Variants in NF1 observed in about 807,000 individuals in gnomAD.
NF1 encodes neurofibromin.
NF1 carries 122 observed loss-of-function variants against 325.7 expected under a neutral mutation model. The observed-to-expected ratio is 0.37, with a 90% CI of 0.32 to 0.44. NF1 has a LOEUF of 0.44. Among genes scored for constraint, NF1 ranks in the 20% least tolerant of loss-of-function variants. The probability of loss-of-function intolerance (pLI) is 1.00; values close to 1 mark genes in which losing one functional copy is unlikely to be tolerated. For synonymous variants in NF1, 1,091 were observed against 1,186.0 expected (o/e 0.92, Z 1.65); for missense variants, 2,140 against 3,415.4 (o/e 0.63, Z 9.31).
intron 1 of NF1, among the ~76,000 whole-genome samples, chr17:31,122,448 T>A (rs990290688): frequency 1.3e-5 from 2 of 152,232 alleles, no homozygotes; most frequent in Non-Finnish European, 2.9e-5. Context: ...TTTGAAGTTA[T>A]TTCCTGCTTT....
rs556068185 is a variant in NF1 at position 31,187,784 on chromosome 17, G to C, written c.888+5119G>C. The stretch of plus-strand genomic sequence containing the variant: ...AGACATTATGTTCTGCTGGCCTAGA[G>C]GTCTTAGTTCCAGAGGGAGGAACGC... On this transcript the variant is annotated intron_variant, in intron 8 of 57. Coordinates refer to ENST00000358273, the MANE Select transcript of NF1 (RefSeq NM_001042492.3). Among the ~76,000 whole-genome samples the C allele has an allele frequency of 4.3e-4, 65 of 152,222 alleles. 1 individual carries two copies. The South Asian group carries it at 0.013, about 30-fold the overall frequency.
At chr17:31,274,924 G>C (rs1201238883) in intron 36 of NF1, among the ~76,000 whole-genome samples, 4 of 152,120 alleles carry the variant, frequency 2.6e-5, no homozygotes, top group African/African-American at 9.6e-5. Context: ...TTTGTATCTA[G>C]ATATATTCTT....
At chr17:31,311,163 G>GA (rs906332909) in intron 36 of NF1, among the ~76,000 whole-genome samples, 2 of 151,932 alleles carry the variant, frequency 1.3e-5, no homozygotes, top group African/African-American at 4.8e-5. Flanking sequence ...ATGTCACCCA[G>GA]ACTTGCCTTG....
chr17:31,279,723 T>C (rs1354120051), intron 36 of NF1, among the ~76,000 whole-genome samples: 2 of 152,128 alleles, frequency 1.3e-5, no homozygotes, highest in Non-Finnish European at 2.9e-5. Context: ...TTCTCTTCAA[T>C]AGTAAAATCT....
chr17:31,126,963 G>C lies in NF1; in HGVS notation c.61-29020G>C, dbSNP rs17879581. On this transcript the variant is annotated intron_variant, in intron 1 of 57. Coordinates refer to ENST00000358273, the MANE Select transcript of NF1 (RefSeq NM_001042492.3). The stretch of plus-strand genomic sequence containing the variant: ...TACATTGAAGTCTCTAATCCACATG[G>C]AAAGACTTTTTTTGTAAGGATCCAC... Among the ~76,000 whole-genome samples, 1,024 of 152,186 alleles carry C rather than the reference G, an allele frequency of 6.7e-3. 16 individuals carry two copies. Among genetic ancestry groups the C allele is most frequent in the African/African-American group, 0.023 (960 of 41,504 alleles).
chr17:31,309,131 T>A (rs2068805021), intron 36 of NF1, among the ~76,000 whole-genome samples: 1 of 152,230 alleles, frequency 6.6e-6, no homozygotes, highest in Non-Finnish European at 1.5e-5. Flanking sequence ...CCACTCGAAG[T>A]GACAGATTGG....
chr17:31,272,082 G>A (rs949599591), intron 36 of NF1: 5 of 152,124 alleles, frequency 3.3e-5, no homozygotes, highest in South Asian at 2.1e-4. Context: ...ATCATATTAA[G>A]TTAATATTTA....
intron 1 of NF1, among the ~76,000 whole-genome samples, chr17:31,116,704 G>A (rs1913945764): frequency 6.6e-6 from 1 of 151,842 alleles, no homozygotes; most frequent in Non-Finnish European, 1.5e-5. Context: ...GTCTTGCCCT[G>A]TCGCCCAGGC....
chr17:31,110,062 T>C (rs1430444883), intron 1 of NF1, among the ~76,000 whole-genome samples: 1 of 152,218 alleles, frequency 6.6e-6, no homozygotes, highest in Non-Finnish European at 1.5e-5. Flanking sequence ...TTCCTGGCTC[T>C]ACTAAACATC....
intron 39 of NF1, among the ~76,000 whole-genome samples, chr17:31,333,731 G>T (rs905212070): frequency 3.3e-5 from 5 of 152,214 alleles, no homozygotes; most frequent in Non-Finnish European, 7.4e-5. Flanking sequence ...ATGGATGGTG[G>T]TGATGGCTGC....
intron 1 of NF1, among the ~76,000 whole-genome samples, chr17:31,139,703 T>C (rs1916074947): frequency 6.6e-6 from 1 of 152,162 alleles, no homozygotes. Context: ...CCTGGGAAGA[T>C]GTATGTCTGA....
intron 39 of NF1, chr17:31,330,749 T>G (rs2069461094): frequency 2.4e-6 from 1 of 425,028 alleles, no homozygotes; most frequent in African/African-American, 2.0e-5. Flanking sequence ...TTTACACACC[T>G]CTGGACCACT....
chr17:31,235,573 G>A (rs775325212), intron 27 of NF1, 38 bp from the exon 28 acceptor site: 4 of 1,611,712 alleles, frequency 2.5e-6, no homozygotes, highest in East Asian at 4.5e-5. Flanking sequence ...AATAAAAATG[G>A]GATTGTTTGC....
chr17:31,122,049 G>A (rs564423260), intron 1 of NF1, among the ~76,000 whole-genome samples: 2 of 152,334 alleles, frequency 1.3e-5, no homozygotes, highest in African/African-American at 4.8e-5. Flanking sequence ...GGTTCAGGGA[G>A]CTGTTGAAGA....
At chr17:31,128,785 G>A (rs552251368) in intron 1 of NF1, among the ~76,000 whole-genome samples, 31 of 152,206 alleles carry the variant, frequency 2.0e-4, no homozygotes, top group Middle Eastern at 3.4e-3. Flanking sequence ...AGCCAAGCAT[G>A]GTAGCAGGCG....
intron 57 of NF1, among the ~76,000 whole-genome samples, chr17:31,372,258 C>T (rs2070656929): frequency 6.6e-6 from 1 of 152,140 alleles, no homozygotes. Context: ...GCCCTACGCC[C>T]TCTCCCCACA....
At chr17:31,356,747 C>A in intron 52 of NF1, 165 bp downstream of exon 52, 1 of 1,203,072 alleles carries the variant, frequency 8.3e-7, no homozygotes, top group Non-Finnish European at 1.2e-6. Context: ...TATCTTGAAG[C>A]TTGTGTAAAA....
intron 1 of NF1, among the ~76,000 whole-genome samples, chr17:31,127,575 TTA>T: frequency 6.6e-6 from 1 of 151,636 alleles, no homozygotes. Flanking sequence ...TGAAATTAAC[TTA>T]TATTTTGTCT....
intron 23 of NF1, 94 bp downstream of exon 23, chr17:31,230,476 G>A (rs2067094801): frequency 6.8e-7 from 1 of 1,477,876 alleles, no homozygotes; most frequent in Non-Finnish European, 9.4e-7. Context: ...TTGGTAGAAA[G>A]GAGGACATGA....
Sources: gnomAD v4.1 joint callset for allele counts (sites outside exome capture counted in the v4.1 genomes callset) on GRCh38, gnomAD v4.1.1 for gene constraint, MANE v1.5 for transcripts, NCBI Gene and HGNC (gene_info 2026-07-23, HGNC 2026-07-21) for gene names.